GRIA4: variants seen among roughly 807,000 people sequenced by gnomAD.
The protein encoded by GRIA4 is glutamate ionotropic receptor AMPA type subunit 4.
Under a neutral mutation model 104.0 loss-of-function variants are expected in GRIA4, and 34 were observed. The observed-to-expected ratio is 0.33, with a 90% CI of 0.25 to 0.44. The LOEUF (loss-of-function observed/expected upper bound fraction) is 0.44, where lower values mean the gene tolerates loss of function less well. Among genes scored for constraint, GRIA4 ranks in the 20% least tolerant of loss-of-function variants. GRIA4 has a pLI of 1.00. For missense variants in GRIA4, 750 were observed against 1,096.5 expected (o/e 0.68, Z 4.46); for synonymous variants, 386 against 381.9 (o/e 1.01, Z -0.13).
chr11:105,933,663 G>A (rs1017378495), intron 13 of GRIA4, 59 bp from the exon 14 acceptor site: 13 of 1,279,242 alleles, frequency 1.0e-5, no homozygotes, highest in African/African-American at 6.0e-5. Context: ...TTGGTTCAGC[G>A]AATATTAACA....
chr11:105,769,163 G>A (rs966152048), intron 4 of GRIA4, among the ~76,000 whole-genome samples: 1 of 152,132 alleles, frequency 6.6e-6, no homozygotes, highest in Non-Finnish European at 1.5e-5. Flanking sequence ...ACCTGGGCCA[G>A]TGACTGGCAT....
At chr11:105,656,922 AAC>A (rs1309792731) in intron 3 of GRIA4, among the ~76,000 whole-genome samples, 2 of 152,082 alleles carry the variant, frequency 1.3e-5, no homozygotes, top group Admixed American at 1.3e-4. Flanking sequence ...TTCAATAATG[AAC>A]CAGAGAAAAT....
At chr11:105,845,101 G>C (rs1385501776) in intron 4 of GRIA4, among the ~76,000 whole-genome samples, 1 of 152,148 alleles carries the variant, frequency 6.6e-6, no homozygotes, top group Admixed American at 6.5e-5. Flanking sequence ...AGGTGAGTGG[G>C]CTTAGCTACT....
intron 3 of GRIA4, among the ~76,000 whole-genome samples, chr11:105,742,604 ATG>A (rs5794424): frequency 2.9e-4 from 44 of 151,134 alleles, no homozygotes; most frequent in Middle Eastern, 3.4e-3. Context: ...ATATATATAT[ATG>A]TGTGTGTGTG....
chr11:105,854,096 A>G (rs939869301), intron 4 of GRIA4, among the ~76,000 whole-genome samples: 1 of 152,200 alleles, frequency 6.6e-6, no homozygotes. Flanking sequence ...TTCTAGGCAC[A>G]GTGAACAAAA....
chr11:105,900,470 C>A (rs768463485), intron 7 of GRIA4, among the ~76,000 whole-genome samples: 1 of 152,162 alleles, frequency 6.6e-6, no homozygotes, highest in African/African-American at 2.4e-5. Context: ...GCACGTGCTT[C>A]TACCTCAAAA....
At chr11:105,819,795 A>T (rs1436298776) in intron 4 of GRIA4, among the ~76,000 whole-genome samples, 1 of 152,156 alleles carries the variant, frequency 6.6e-6, no homozygotes, top group Non-Finnish European at 1.5e-5. Context: ...CATCTAAAAA[A>T]TGATATGTTG....
At chr11:105,618,065 G>A (rs772940996) in intron 3 of GRIA4, among the ~76,000 whole-genome samples, 3 of 151,918 alleles carry the variant, frequency 2.0e-5, no homozygotes, top group African/African-American at 4.8e-5. Flanking sequence ...AGTAGTGCAC[G>A]AGGAGACACC....
intron 4 of GRIA4, among the ~76,000 whole-genome samples, chr11:105,861,613 C>T (rs1189305715): frequency 1.3e-5 from 2 of 151,990 alleles, no homozygotes; most frequent in Non-Finnish European, 2.9e-5. Context: ...AAATGTTGTA[C>T]TACCTTGTTC....
chr11:105,758,022 T>A (rs1940412330), intron 4 of GRIA4, among the ~76,000 whole-genome samples: 1 of 152,092 alleles, frequency 6.6e-6, no homozygotes, highest in Non-Finnish European at 1.5e-5. Flanking sequence ...AGTGGGAGGA[T>A]CACTCAAGGC....
chr11:105,764,578 A>T (rs976966633), intron 4 of GRIA4, among the ~76,000 whole-genome samples: 1 of 152,136 alleles, frequency 6.6e-6, no homozygotes, highest in African/African-American at 2.4e-5. Flanking sequence ...GTAAATTTAT[A>T]TCAGAAAGAG....
chr11:105,612,367 T>G lies in GRIA4; in HGVS notation c.180T>G (p.Ala60=), dbSNP rs952775999. The stretch of plus-strand genomic sequence containing the variant: ...ACACCAGCCCCAATGCGTCGGAAGC[T>G]CCTTTTAATTTGGTACCTCATGTGG... ...LHNTSPNASE[A]PFNLVPHVDN... Residue 60 remains alanine, a synonymous_variant, in exon 3 of 17, where the codon GCT becomes GCG. Coordinates refer to ENST00000282499, the MANE Select transcript of GRIA4 (RefSeq NM_000829.4). 6.2e-7 allele frequency: 1 copy of G among 1,614,004 alleles called. No individual in the cohort carries two copies. The highest frequency in any genetic ancestry group is 8.5e-7 in the Non-Finnish European group (1 of 1,179,972).
chr11:105,745,382 T>C (rs961463570), intron 3 of GRIA4, among the ~76,000 whole-genome samples: 1 of 152,186 alleles, frequency 6.6e-6, no homozygotes, highest in African/African-American at 2.4e-5. Context: ...GCTAACAACT[T>C]GAGCCACTTT....
chr11:105,707,115 G>C (rs558754008), intron 3 of GRIA4: 3 of 152,852 alleles, frequency 2.0e-5, no homozygotes, highest in African/African-American at 7.2e-5. Flanking sequence ...TAGGCTGAAA[G>C]TTTGTCTTCA....
chr11:105,671,803 G>A (rs750479757), intron 3 of GRIA4, among the ~76,000 whole-genome samples: 5 of 150,642 alleles, frequency 3.3e-5, no homozygotes, highest in East Asian at 3.9e-4. Flanking sequence ...TATTAGTAAC[G>A]TTCTATTCCA....
Position 105,748,984 on chromosome 11 carries a change from G to A in GRIA4, c.248-3997G>A, listed in dbSNP as rs572432150. Reference sequence around the variant, plus strand: ...AAGCCGCAGAATTGGATGATTTCACGCAGGAAATATATTTAGAATGAAAAG... The same window carrying A: ...AAGCCGCAGAATTGGATGATTTCACACAGGAAATATATTTAGAATGAAAAG... On this transcript the variant is annotated intron_variant, in intron 3 of 16. Transcript: ENST00000282499. Among the ~76,000 whole-genome samples the A allele has an allele frequency of 1.2e-3, 189 of 152,106 alleles. 1 individual carries two copies. Among genetic ancestry groups the A allele is most frequent in the Non-Finnish European group, 2.4e-3 (162 of 68,022 alleles).
At chr11:105,940,785 C>T (rs1948162938) in intron 14 of GRIA4, among the ~76,000 whole-genome samples, 1 of 151,388 alleles carries the variant, frequency 6.6e-6, no homozygotes, top group Non-Finnish European at 1.5e-5. Flanking sequence ...CTAAAGATAG[C>T]ATCAATCAAG....
chr11:105,904,267 C>T (rs577279548), intron 8 of GRIA4, among the ~76,000 whole-genome samples: 5 of 152,286 alleles, frequency 3.3e-5, no homozygotes, highest in South Asian at 4.1e-4. Flanking sequence ...TTCAGACACA[C>T]GTTAGATTAG....
At chr11:105,720,797 G>A (rs1194690073) in intron 3 of GRIA4, among the ~76,000 whole-genome samples, 1 of 152,302 alleles carries the variant, frequency 6.6e-6, no homozygotes, top group Admixed American at 6.5e-5. Context: ...GGATTGTGCA[G>A]CATCACAGAT....
Sources: allele counts gnomAD v4.1 joint callset (sites outside exome capture counted in the v4.1 genomes callset), GRCh38; gene constraint gnomAD v4.1.1; transcripts MANE v1.5; gene names NCBI Gene and HGNC (gene_info 2026-07-23, HGNC 2026-07-21).